SLC12A6: variants seen among roughly 807,000 people sequenced by gnomAD.
The protein encoded by SLC12A6 is K-Cl cotransporter 3.
SLC12A6 carries 66 observed loss-of-function variants against 135.3 expected under a neutral mutation model. The observed-to-expected ratio is 0.49, with a 90% CI of 0.40 to 0.60. The LOEUF is 0.60. Among genes scored for constraint, SLC12A6 ranks in the 20% least tolerant of loss-of-function variants. The probability of loss-of-function intolerance (pLI) is 0.00; values close to 1 mark genes in which losing one functional copy is unlikely to be tolerated. For missense variants in SLC12A6, 1,058 were observed against 1,452.3 expected, an observed-to-expected ratio of 0.73 and a Z score of 4.41; for synonymous variants, 513 against 508.8, an observed-to-expected ratio of 1.01 and a Z score of -0.11.
chr15:34,324,801 A>T (rs916111996), intron 2 of SLC12A6, among the ~76,000 whole-genome samples: 1 of 152,266 alleles, frequency 6.6e-6, no homozygotes, highest in Admixed American at 6.5e-5. Context: ...ACATGAAAGG[A>T]TGTGAACCAC....
rs2140649867 is a variant in SLC12A6 at position 34,238,334 on chromosome 15, G to A, written c.2700C>T (p.Pro900=). 2.5e-6 allele frequency: 4 copies of A among 1,613,682 alleles called. No homozygotes were observed. Among genetic ancestry groups the A allele is most frequent in the Non-Finnish European group, 3.4e-6 (4 of 1,179,542 alleles). Residue 900 remains proline, a synonymous_variant, in exon 21 of 26, where the codon CCC becomes CCT. Transcript: ENST00000354181. ...LLVAKNISFF[P]SNVEQFSEGN... is the part of the protein sequence containing the mutation. ...CCTCAGAAAATTGCTCCACATTGCT[G>A]GGAAAGAAGGAGATGTTTTTAGCCA...
intron 2 of SLC12A6, among the ~76,000 whole-genome samples, chr15:34,282,016 A>G (rs1483998537): frequency 6.6e-6 from 1 of 152,198 alleles, no homozygotes; most frequent in African/African-American, 2.4e-5. Context: ...AAGATCATTA[A>G]GCTAAAATGT....
rs1595434344 is a variant in SLC12A6 at position 34,252,168 on chromosome 15, A to G, written c.1333+2T>C. On this transcript the variant is annotated splice_donor_variant, in intron 10 of 25. Transcript: ENST00000354181. LOFTEE classifies it high-confidence loss of function. ...AACTTGTCCAATAACTCCCTAACTT[A>G]CCTGTAATTATACCACTAGCCAATC... is the stretch of plus-strand genomic sequence containing the variant. The G allele has an allele frequency of 6.7e-7, 1 of 1,494,144 alleles. No individual in the cohort carries two copies. Among genetic ancestry groups the G allele is most frequent in the East Asian group, 2.3e-5 (1 of 44,322 alleles). The allele number at this position is 1,494,144 out of a possible 1,614,324, so 92.6% of individuals were successfully genotyped here.
chr15:34,334,617 G>A (rs554882153), intron 2 of SLC12A6, among the ~76,000 whole-genome samples: 1 of 152,162 alleles, frequency 6.6e-6, no homozygotes, highest in African/African-American at 2.4e-5. Context: ...AAAGTTCCAC[G>A]AGAATAGGGC....
At chr15:34,291,868 T>C (rs1181390097) in intron 2 of SLC12A6, among the ~76,000 whole-genome samples, 5 of 152,252 alleles carry the variant, frequency 3.3e-5, no homozygotes, top group Admixed American at 1.3e-4. Flanking sequence ...CTGGTTATTC[T>C]AGTTAACCAT....
At chr15:34,288,962 T>C (rs1051697632) in intron 2 of SLC12A6, among the ~76,000 whole-genome samples, 10 of 152,200 alleles carry the variant, frequency 6.6e-5, no homozygotes, top group Middle Eastern at 3.2e-3. Flanking sequence ...TCTTCCTATT[T>C]GAATATCCCT....
chr15:34,288,043 G>A (rs1181742325), intron 2 of SLC12A6, among the ~76,000 whole-genome samples: 1 of 152,184 alleles, frequency 6.6e-6, no homozygotes, highest in Non-Finnish European at 1.5e-5. Context: ...TAGACATGAA[G>A]TCTTTGCCTA....
chr15:34,238,139 A>G (rs763451231), intron 21 of SLC12A6, 93 bp downstream of exon 21: 25 of 911,532 alleles, frequency 2.7e-5, no homozygotes, highest in Non-Finnish European at 4.6e-5. Context: ...TCTAAACCCC[A>G]ACACTATTAT....
chr15:34,247,777 T>C (rs1044627189), intron 13 of SLC12A6, among the ~76,000 whole-genome samples: 8 of 151,992 alleles, frequency 5.3e-5, no homozygotes, highest in Non-Finnish European at 2.9e-5. Context: ...TGATCATGAC[T>C]GACTGTAGCC....
Position 34,240,728 on chromosome 15 carries a change from G to T in SLC12A6, c.2369C>A (p.Thr790Asn). 1 of 1,613,994 alleles carries T rather than the reference G, an allele frequency of 6.2e-7. No individual in the cohort carries two copies. Among genetic ancestry groups the T allele is most frequent in the Non-Finnish European group, 8.5e-7 (1 of 1,179,828 alleles). The part of the protein sequence containing the change: ...ASQLKAGKGL[T>N]IVGSVIVGNF... ...CCCCACGATGACAGAGCCCACAATA[G>T]TGAGACCTTTTCCTGCTTTGAGCTG... Residue 790 changes from threonine to asparagine, a missense_variant, in exon 19 of 26, where the codon ACT becomes AAT. By Grantham distance (65) the Thr-to-Asn change is moderately conservative. This residue lies in a region of SLC12A6 where 31 missense variants were observed against 24.3 expected (regional missense o/e 1.28). Transcript: ENST00000354181.
Position 34,238,869 on chromosome 15 carries a change from T to C in SLC12A6, c.2632+96A>G, listed in dbSNP as rs944893698. 1.9e-5 allele frequency: 20 copies of C among 1,074,932 alleles called. No individual in the cohort carries two copies. In the African/African-American group the frequency reaches 3.1e-4, roughly 17 times the overall value. 66.6% of individuals were successfully genotyped at this position (1,074,932 alleles called of 1,614,324 possible). On this transcript the variant is annotated intron_variant, in intron 20 of 25. Transcript: ENST00000354181. ...GCCTTATAAGACTATGCTTCAGCAA[T>C]GGCATAGTCTCTACTTTAGGAGGCT... is the stretch of plus-strand genomic sequence containing the variant.
At chr15:34,242,245 T>C in intron 16 of SLC12A6, 24 bp from the exon 17 acceptor site, 1 of 1,562,204 alleles carries the variant, frequency 6.4e-7, no homozygotes, top group Non-Finnish European at 8.8e-7. Context: ...AACAAAAAAG[T>C]ATCTTTTAAA....
At chr15:34,303,942 TTCAC>T (rs1896429033) in intron 2 of SLC12A6, among the ~76,000 whole-genome samples, 1 of 152,320 alleles carries the variant, frequency 6.6e-6, no homozygotes, top group African/African-American at 2.4e-5. Context: ...CACCATATAA[TTCAC>T]TCAAAGTGTT....
rs141387593 is a variant in SLC12A6, at chr15:34,289,717, T to C, written c.272-14328A>G. 5.2e-3 allele frequency among the ~76,000 whole-genome samples: 798 copies of C among 152,318 alleles called. 6 individuals are homozygous for C. The highest frequency in any genetic ancestry group is 0.02 in the Middle Eastern group (6 of 294). ...CCTTGTTTAGTCTTGGGAGGGTGTA[T>C]GTATCCAGGAATTTATCCATTTCTT... On this transcript the variant is annotated intron_variant, in intron 2 of 25. Coordinates refer to ENST00000354181, the MANE Select transcript of SLC12A6 (RefSeq NM_001365088.1).
At chr15:34,273,059 A>G (rs1894069629) in intron 3 of SLC12A6, among the ~76,000 whole-genome samples, 1 of 152,226 alleles carries the variant, frequency 6.6e-6, no homozygotes, top group African/African-American at 2.4e-5. Flanking sequence ...ATATAAAAGT[A>G]TAAAAAAGTG....
chr15:34,254,263 A>G, intron 9 of SLC12A6, 85 bp downstream of exon 9: 1 of 1,360,982 alleles, frequency 7.3e-7, no homozygotes, highest in Non-Finnish European at 1.0e-6. Context: ...AGACTCTATG[A>G]AATTCTGACT....
chr15:34,311,652 GC>G (rs1888264752), intron 2 of SLC12A6, among the ~76,000 whole-genome samples: 1 of 152,146 alleles, frequency 6.6e-6, no homozygotes, highest in Non-Finnish European at 1.5e-5. Context: ...TTATTCACCA[GC>G]CTCAGATTAT....
intron 2 of SLC12A6, among the ~76,000 whole-genome samples, chr15:34,307,379 A>G (rs1896669071): frequency 6.6e-6 from 1 of 152,222 alleles, no homozygotes; most frequent in Admixed American, 6.5e-5. Flanking sequence ...TTAAAACACT[A>G]TGTCTCACCC....
At position 34,268,863 on chromosome 15, in the gene SLC12A6, CT is replaced by C. The variant is rs201920442; in HGVS notation, c.316+6481del. 2.8e-3 allele frequency among the ~76,000 whole-genome samples: 397 copies of C among 143,494 alleles called. 5 individuals carry two copies. The highest frequency in any genetic ancestry group is 8.7e-3 in the African/African-American group (344 of 39,704). 94.1% of individuals were successfully genotyped at this position (143,494 alleles called of 152,430 possible). A position where few individuals can be genotyped will look rare whatever the true frequency, so the allele number is the denominator to read the frequency against. On this transcript the variant is annotated intron_variant, in intron 3 of 25. Coordinates refer to ENST00000354181, the MANE Select transcript of SLC12A6 (RefSeq NM_001365088.1). ...ATTATGTTTCTTTTTTTCTTTCTTT[CT>C]TTTTTTTTTTGAGACGGAGTCTTGC... is the stretch of plus-strand genomic sequence containing the variant.
Sources: allele counts gnomAD v4.1 joint callset (sites outside exome capture counted in the v4.1 genomes callset), GRCh38; gene constraint gnomAD v4.1.1; regional missense constraint gnomAD v4.1.1; transcripts MANE v1.5; gene names NCBI Gene and HGNC (gene_info 2026-07-23, HGNC 2026-07-21).